STIM2: variants seen among roughly 807,000 people sequenced by gnomAD.
STIM2 encodes the protein stromal interaction molecule 2.
A neutral mutation model predicts 85.8 loss-of-function variants in STIM2; 31 were observed. The observed-to-expected ratio is 0.36, with a 90% confidence interval of 0.27 to 0.49. The LOEUF is 0.49. Ranked by LOEUF, STIM2 falls within the 20% of genes least tolerant of loss-of-function variation. STIM2 has a pLI of 0.98. For missense variants in STIM2, 841 were observed against 927.6 expected (o/e 0.91, Z 1.21); for synonymous variants, 356 against 331.1 (o/e 1.08, Z -0.82).
chr4:26,981,083 CA>C (rs1418604682), intron 3 of STIM2, among the ~76,000 whole-genome samples: 1 of 152,048 alleles, frequency 6.6e-6, no homozygotes, highest in African/African-American at 2.4e-5. Context: ...AGACAAAATC[CA>C]AAAGTGAGTA....
chr4:26,879,738 C>T (rs540254995), intron 1 of STIM2, among the ~76,000 whole-genome samples: 1 of 152,182 alleles, frequency 6.6e-6, no homozygotes, highest in Non-Finnish European at 1.5e-5. Context: ...GTAACTATTC[C>T]TTGTCATTAG....
At chr4:26,942,541 C>CATTACACCAT (rs1402927882) in intron 2 of STIM2, among the ~76,000 whole-genome samples, 2 of 152,114 alleles carry the variant, frequency 1.3e-5, no homozygotes, top group African/African-American at 4.8e-5. Flanking sequence ...CTTTTGACTT[C>CATTACACCAT]ATTACACCAC....
chr4:26,880,219 T>C (rs1265538308), intron 1 of STIM2, among the ~76,000 whole-genome samples: 1 of 152,188 alleles, frequency 6.6e-6, no homozygotes, highest in East Asian at 1.9e-4. Flanking sequence ...TTTCTCTGTT[T>C]CTGGGCCCTG....
rs184749158 is a variant in STIM2 at position 27,001,844 on chromosome 4, A to T, written c.626-373A>T. ...CTGCCTAGCTTGACTGAAGGAAGGG[A>T]GTTGGGATGATGGTGGTGATACTTT... On this transcript the variant is annotated intron_variant, in intron 5 of 11. Transcript: ENST00000467087. 4.5e-4 allele frequency among the ~76,000 whole-genome samples: 69 copies of T among 152,292 alleles called. 1 individual carries two copies. The East Asian group carries it at 0.013, about 29-fold the overall frequency.
At chr4:26,895,863 G>A (rs750968578) in intron 1 of STIM2, among the ~76,000 whole-genome samples, 2 of 152,224 alleles carry the variant, frequency 1.3e-5, no homozygotes, top group African/African-American at 2.4e-5. Flanking sequence ...CAAACTCAGT[G>A]TGTTAGTTTT....
intron 2 of STIM2, among the ~76,000 whole-genome samples, chr4:26,954,829 A>T (rs1726184274): frequency 6.8e-6 from 1 of 147,784 alleles, no homozygotes; most frequent in African/African-American, 2.6e-5. Flanking sequence ...GATCTGTAAG[A>T]TACAGAATAT....
intron 2 of STIM2, among the ~76,000 whole-genome samples, chr4:26,929,629 AT>A (rs1320578161): frequency 6.0e-5 from 9 of 151,148 alleles, no homozygotes; most frequent in East Asian, 3.9e-4. Context: ...TTAAAAACTT[AT>A]TTTTTTTTCT....
At chr4:26,974,969 C>T (rs1039281966) in intron 3 of STIM2, among the ~76,000 whole-genome samples, 2 of 152,106 alleles carry the variant, frequency 1.3e-5, no homozygotes, top group Non-Finnish European at 2.9e-5. Flanking sequence ...CTTGTCTTCT[C>T]ACTTTATTTC....
intron 1 of STIM2, among the ~76,000 whole-genome samples, chr4:26,912,587 T>C (rs1354382507): frequency 6.6e-6 from 1 of 152,210 alleles, no homozygotes; most frequent in Admixed American, 6.5e-5. Context: ...CTCAGCTAGA[T>C]AGATGAAAAT....
intron 2 of STIM2, among the ~76,000 whole-genome samples, chr4:26,925,893 CAGAG>C: frequency 1.5e-5 from 1 of 64,532 alleles, no homozygotes; most frequent in Non-Finnish European, 2.6e-5. Flanking sequence ...AACAGACAAA[CAGAG>C]AGCCAAATCA....
intron 5 of STIM2, among the ~76,000 whole-genome samples, chr4:27,000,677 T>C (rs1728121317): frequency 6.6e-6 from 1 of 152,200 alleles, no homozygotes; most frequent in East Asian, 1.9e-4. Flanking sequence ...AATATTTAAA[T>C]AAACCAATTA....
intron 2 of STIM2, among the ~76,000 whole-genome samples, chr4:26,927,477 C>G (rs1407409201): frequency 6.3e-5 from 3 of 47,336 alleles, no homozygotes; most frequent in Middle Eastern, 5.7e-3. Flanking sequence ...GGGAATTGAA[C>G]AATGAGATCA....
At chr4:26,952,349 TTTGTAGTACCTCACAC>T (rs1181354208) in intron 2 of STIM2, among the ~76,000 whole-genome samples, 1 of 152,134 alleles carries the variant, frequency 6.6e-6, no homozygotes, top group Non-Finnish European at 1.5e-5. Context: ...TCAGCTGGTG[TTTGTAGTACCTCACAC>T]TGTCTTCATT....
At chr4:27,006,227 T>C (rs1728327118) in intron 7 of STIM2, among the ~76,000 whole-genome samples, 1 of 152,250 alleles carries the variant, frequency 6.6e-6, no homozygotes, top group African/African-American at 2.4e-5. Context: ...GTGAATTTTG[T>C]TTTTAATTTT....
chr4:26,996,133 T>C (rs1424313572), intron 4 of STIM2, among the ~76,000 whole-genome samples: 1 of 152,024 alleles, frequency 6.6e-6, no homozygotes, highest in Non-Finnish European at 1.5e-5. Flanking sequence ...AAAGTCCAGG[T>C]TGCCAGTTTA....
At chr4:26,992,992 G>C (rs901602267) in intron 3 of STIM2, among the ~76,000 whole-genome samples, 7 of 152,142 alleles carry the variant, frequency 4.6e-5, no homozygotes, top group Non-Finnish European at 8.8e-5. Flanking sequence ...CTTCCTTTCT[G>C]TACTGACTTA....
chr4:26,957,443 A>G (rs1726289098), intron 2 of STIM2, among the ~76,000 whole-genome samples, 169 bp from the exon 3 acceptor site: 1 of 152,174 alleles, frequency 6.6e-6, no homozygotes, highest in Non-Finnish European at 1.5e-5. Flanking sequence ...AAGACATTTC[A>G]TTAAATACAT....
At chr4:26,900,893 A>C (rs920225408) in intron 1 of STIM2, among the ~76,000 whole-genome samples, 1 of 152,186 alleles carries the variant, frequency 6.6e-6, no homozygotes, top group Non-Finnish European at 1.5e-5. Flanking sequence ...TGAAGCCAAG[A>C]GCAGGAAAAG....
intron 10 of STIM2, among the ~76,000 whole-genome samples, chr4:27,010,664 C>T (rs1196333351): frequency 2.0e-5 from 3 of 152,062 alleles, no homozygotes; most frequent in Non-Finnish European, 4.4e-5. Context: ...CTATACCCTC[C>T]TGAGCAGTTA....
Sources: gnomAD v4.1 joint callset for allele counts (sites outside exome capture counted in the v4.1 genomes callset) on GRCh38, gnomAD v4.1.1 for gene constraint, MANE v1.5 for transcripts, NCBI Gene and HGNC (gene_info 2026-07-23, HGNC 2026-07-21) for gene names.